MBD3: variants seen among roughly 807,000 people sequenced by gnomAD.
MBD3 encodes methyl-CpG binding domain protein 3, also known as methyl-CpG-binding domain protein 3.
A neutral mutation model predicts 31.2 loss-of-function variants in MBD3; 13 were observed. The observed-to-expected ratio is 0.42, with a 90% CI of 0.27 to 0.66. The LOEUF (loss-of-function observed/expected upper bound fraction) is 0.66. MBD3 is among the 30% of genes least tolerant of loss of function. The probability of loss-of-function intolerance (pLI) is 0.26; values close to 1 mark genes in which losing one functional copy is unlikely to be tolerated. For synonymous variants in MBD3, 223 were observed against 187.4 expected, an observed-to-expected ratio of 1.19 and a Z score of -1.55; for missense variants, 440 against 426.5, an observed-to-expected ratio of 1.03 and a Z score of -0.28.
At position 1,585,386 on chromosome 19, in the gene MBD3, C is replaced by T. The variant is rs1051316959; in HGVS notation, c.111-172G>A. On this transcript the variant is annotated intron_variant, in intron 1 of 6. Transcript: ENST00000434436. This position sits in a 1 kb window ranked among gnomAD's most constrained non-coding sequence, Gnocchi z 4.1. ...GGCAGGCCCTGGCCCCAGCCCCAGA[C>T]CCCAACCCTGGCGTGACCCCAGACC... 33 of 678,432 alleles carry T rather than the reference C, an allele frequency of 4.9e-5. No homozygotes were observed. The highest frequency in any genetic ancestry group is 8.3e-4 in the Middle Eastern group (2 of 2,422). 42.0% of individuals were successfully genotyped at this position (678,432 alleles called of 1,614,324 possible).
Position 1,585,099 on chromosome 19 carries a change from T to G in MBD3, c.226A>C (p.Lys76Gln). ...TGKMLMSKMN[K>Q]SRQRVRYDSS... is the part of the protein sequence containing the mutation. ...TCGTAGCGCACGCGCTGGCGGCTCT[T>G]GTTCATCTTGCTCATCAGCATCTTG... The change falls in exon 2 of 7, where the codon AAG (lysine) becomes CAG (glutamine). Residue 76 changes from lysine to glutamine, a missense_variant. Transcript: ENST00000434436. This position sits in a 1 kb window ranked among gnomAD's most constrained non-coding sequence, Gnocchi z 4.1. The G allele has an allele frequency of 1.9e-6, 3 of 1,612,716 alleles. No individual in the cohort carries two copies. Among genetic ancestry groups the G allele is most frequent in the Non-Finnish European group, 2.5e-6 (3 of 1,179,510 alleles).
chr19:1,581,562 G>A (rs1917354766), intron 4 of MBD3: 1 of 496,384 alleles, frequency 2.0e-6, no homozygotes, highest in African/African-American at 1.9e-5. Flanking sequence ...GGACAACACA[G>A]TGAGACTCCT....
Position 1,578,366 on chromosome 19 carries a change from G to A in MBD3, c.850C>T (p.Pro284Ser). 1.2e-6 allele frequency: 2 copies of A among 1,604,052 alleles called. No homozygotes were observed. The highest frequency in any genetic ancestry group is 1.1e-5 in the South Asian group (1 of 91,064). Residue 284 changes from proline (P) to serine (S), a missense_variant, in exon 6 of 7, where the codon CCG becomes TCG. Pro to Ser is a moderately conservative substitution (Grantham distance 74). This residue lies in a region of MBD3 where 117 missense variants were observed against 95.0 expected (regional missense o/e 1.23). Coordinates refer to ENST00000434436, the MANE Select transcript of MBD3 (RefSeq NM_001281453.2). This position sits in a 1 kb window ranked among gnomAD's most constrained non-coding sequence, Gnocchi z 6.1. The stretch of plus-strand genomic sequence containing the variant: ...TAGACGTGCTCCATCTCCGGGTCCG[G>A]GTCGGGCTCCTCCTCCTCCTCCTCC... ...DEEEEEEEPD[P>S]DPEMEHV
chr19:1,590,172 C>G (rs896912789), intron 1 of MBD3, among the ~76,000 whole-genome samples: 1 of 152,276 alleles, frequency 6.6e-6, no homozygotes, highest in Admixed American at 6.5e-5. Flanking sequence ...GTGGCAGACG[C>G]CTGTAATCCC....
At chr19:1,584,461 A>G in intron 3 of MBD3, 79 bp downstream of exon 3, 1 of 1,587,746 alleles carries the variant, frequency 6.3e-7, no homozygotes, top group Non-Finnish European at 8.6e-7. Context: ...CGCTCCACGT[A>G]CGACCTCATT....
In MBD3 at chr19:1,575,272, A is replaced by G; in HGVS notation, c.*2892T>C. 2.3e-6 allele frequency: 1 copy of G among 432,394 alleles called. No homozygotes were observed. Among genetic ancestry groups the G allele is most frequent in the Non-Finnish European group, 4.8e-6 (1 of 210,290 alleles). The allele number at this position is 432,394 out of a possible 1,614,324, so 26.8% of individuals were successfully genotyped here. On this transcript the variant is annotated 3_prime_UTR_variant, in exon 7 of 7. Coordinates refer to ENST00000434436, the MANE Select transcript of MBD3 (RefSeq NM_001281453.2). ...TGGTGAAACCCTGTCTCTATTAAAA[A>G]TACAAAAATTAGCTGGGCGTGGTGG...
chr19:1,592,273 G>T (rs921343626), intron 1 of MBD3: 3 of 157,214 alleles, frequency 1.9e-5, no homozygotes, highest in Non-Finnish European at 4.2e-5. Flanking sequence ...CAGCGCGCAC[G>T]AACAAAGGCC....
chr19:1,584,781 G>A (rs1040524515), intron 2 of MBD3, 104 bp from the exon 3 acceptor site: 1 of 1,244,612 alleles, frequency 8.0e-7, no homozygotes, highest in South Asian at 1.5e-5. Flanking sequence ...GGCGCCCCTC[G>A]TGTCCCCCGC....
At chr19:1,580,981 C>T in intron 5 of MBD3, 111 bp downstream of exon 5, 1 of 1,373,908 alleles carries the variant, frequency 7.3e-7, no homozygotes, top group Non-Finnish European at 1.0e-6. Context: ...GTTTCAAAAC[C>T]CCAGCAGCAT....
intron 5 of MBD3, among the ~76,000 whole-genome samples, chr19:1,580,518 G>T (rs1272991340): frequency 6.6e-6 from 1 of 152,202 alleles, no homozygotes; most frequent in Admixed American, 6.5e-5. Context: ...GAAAGGTCCC[G>T]TCTTCGCTCC....
chr19:1,585,640 C>G lies in MBD3; in HGVS notation c.111-426G>C. 4.3e-6 allele frequency: 1 copy of G among 230,714 alleles called. No homozygotes were observed. The highest frequency in any genetic ancestry group is 8.7e-6 in the Non-Finnish European group (1 of 114,944). 14.3% of individuals were successfully genotyped at this position (230,714 alleles called of 1,614,324 possible). On this transcript the variant is annotated intron_variant, in intron 1 of 6. Coordinates refer to ENST00000434436, the MANE Select transcript of MBD3 (RefSeq NM_001281453.2). This position sits in a 1 kb window ranked among gnomAD's most constrained non-coding sequence, Gnocchi z 4.1. ...GGTACAAACGCTACTACCTACAGGGCTTTGGGCCCCGGCTCTGGGAGGATG... is the reference window on the plus strand; with the variant it reads ...GGTACAAACGCTACTACCTACAGGGGTTTGGGCCCCGGCTCTGGGAGGATG...
chr19:1,592,444 G>A (rs531090620), intron 1 of MBD3, 78 bp downstream of exon 1: 3 of 611,270 alleles, frequency 4.9e-6, no homozygotes, highest in South Asian at 2.7e-5. Context: ...CGCGGCCCGG[G>A]GCAGGGGCGC....
chr19:1,580,965 G>C lies in MBD3; in HGVS notation c.677+127C>G, dbSNP rs778940174. On this transcript the variant is annotated intron_variant, in intron 5 of 6. Coordinates refer to ENST00000434436, the MANE Select transcript of MBD3 (RefSeq NM_001281453.2). ...GACGATGGGTCCCCTTGCCCTGGCT[G>C]TTTCTGTTTCAAAACCCCAGCAGCA... 482 of 1,245,246 alleles carry C rather than the reference G, an allele frequency of 3.9e-4. 4 individuals are homozygous for C. The highest frequency in any genetic ancestry group is 2.1e-3 in the Middle Eastern group (11 of 5,128). 77.1% of individuals were successfully genotyped at this position (1,245,246 alleles called of 1,614,324 possible). A position where few individuals can be genotyped will look rare whatever the true frequency, so the allele number is the denominator to read the frequency against.
In MBD3 at chr19:1,592,624, C is replaced by A; in HGVS notation, c.8G>T (p.Arg3Leu). The A allele has an allele frequency of 7.5e-7, 1 of 1,325,728 alleles. No homozygotes were observed. The highest frequency in any genetic ancestry group is 4.5e-5 in the East Asian group (1 of 22,124). The allele number at this position is 1,325,728 out of a possible 1,614,324, so 82.1% of individuals were successfully genotyped here. A position where few individuals can be genotyped will look rare whatever the true frequency, so the allele number is the denominator to read the frequency against. Residue 3 changes from arginine to leucine, a missense_variant, in exon 1 of 7, where the codon CGG becomes CTG. Around this residue, in one of 3 missense-constraint regions of MBD3, gnomAD observed 179 missense variants for 134.7 expected, o/e 1.33. Coordinates refer to ENST00000434436, the MANE Select transcript of MBD3 (RefSeq NM_001281453.2). ...GAGCGCCGGGCACTCCCACCTCTTC[C>A]GCTCCATTGCGCCCGGCTCCTCGGC... Reference protein sequence around the residue: MERKRWECPALPQ... With the variant: MELKRWECPALPQ...
Position 1,577,579 on chromosome 19 carries a change from C to A in MBD3, c.*585G>T, listed in dbSNP as rs1917231437. ...CCGATGACGTGCCTCGACTGTGTTA[C>A]ATTTACTGAAGGAGAGCGGCCTCCT... On this transcript the variant is annotated 3_prime_UTR_variant, in exon 7 of 7. Coordinates refer to ENST00000434436, the MANE Select transcript of MBD3 (RefSeq NM_001281453.2). 1 of 152,452 alleles carries A rather than the reference C, an allele frequency of 6.6e-6. No homozygotes were observed. Among genetic ancestry groups the A allele is most frequent in the Admixed American group, 6.5e-5 (1 of 15,300 alleles). The allele number at this position is 152,452 out of a possible 1,614,324, so 9.4% of individuals were successfully genotyped here.
intron 4 of MBD3, among the ~76,000 whole-genome samples, chr19:1,581,902 A>G (rs1479353025): frequency 2.0e-5 from 3 of 151,670 alleles, no homozygotes; most frequent in Non-Finnish European, 4.4e-5. Flanking sequence ...CAAGTAGCTG[A>G]GACTACAGGC....
chr19:1,585,556 C>T lies in MBD3; in HGVS notation c.111-342G>A. 1 of 345,774 alleles carries T rather than the reference C, an allele frequency of 2.9e-6. No individual in the cohort carries two copies. The highest frequency in any genetic ancestry group is 2.9e-5 in the South Asian group (1 of 35,006). 21.4% of individuals were successfully genotyped at this position (345,774 alleles called of 1,614,324 possible). A position where few individuals can be genotyped will look rare whatever the true frequency, so the allele number is the denominator to read the frequency against. ...GCTCCAGACCCCCAACCCCGGTCCC[C>T]TCTGAATCCTCCCCACCGTAGGCCC... On this transcript the variant is annotated intron_variant, in intron 1 of 6. Transcript: ENST00000434436. This position sits in a 1 kb window ranked among gnomAD's most constrained non-coding sequence, Gnocchi z 4.1.
Position 1,576,835 on chromosome 19 carries a change from C to T in MBD3, c.*1329G>A, listed in dbSNP as rs117408326. On this transcript the variant is annotated 3_prime_UTR_variant, in exon 7 of 7. Transcript: ENST00000434436. The stretch of plus-strand genomic sequence containing the variant: ...CGTGGTCCCCACCTGGAGCTTCCCT[C>T]GGCTGCCCTGGCCCTTGAGCCCGTC... 7.9e-3 allele frequency: 1,211 copies of T among 152,478 alleles called. 6 individuals carry two copies. Among genetic ancestry groups the T allele is most frequent in the Admixed American group, 0.013 (198 of 15,308 alleles). The allele number at this position is 152,478 out of a possible 1,614,324, so 9.4% of individuals were successfully genotyped here. A position where few individuals can be genotyped will look rare whatever the true frequency, so the allele number is the denominator to read the frequency against.
At position 1,576,129 on chromosome 19, in the gene MBD3, G is replaced by C. The variant is rs1022362526; in HGVS notation, c.*2035C>G. 1.3e-5 allele frequency: 2 copies of C among 152,502 alleles called. No individual in the cohort carries two copies. The highest frequency in any genetic ancestry group is 4.8e-5 in the African/African-American group (2 of 41,442). 9.4% of individuals were successfully genotyped at this position (152,502 alleles called of 1,614,324 possible). On this transcript the variant is annotated 3_prime_UTR_variant, in exon 7 of 7. Coordinates refer to ENST00000434436, the MANE Select transcript of MBD3 (RefSeq NM_001281453.2). ...ACAGGGATAGACAGAGACAGAGAGA[G>C]ACCAAGGGAGACAGGGACACAGTGG...
Sources: allele counts gnomAD v4.1 joint callset (sites outside exome capture counted in the v4.1 genomes callset), GRCh38; gene constraint gnomAD v4.1.1; regional missense constraint gnomAD v4.1.1; non-coding constraint Gnocchi (gnomAD v3.1); transcripts MANE v1.5; gene names NCBI Gene and HGNC (gene_info 2026-07-23, HGNC 2026-07-21).